The following NME7 variants were observed in gnomAD, a reference collection of about 807,000 sequenced individuals.
The protein encoded by NME7 is NME/NM23 family member 7.
Under a neutral mutation model 49.1 loss-of-function variants are expected in NME7, and 41 were observed. That is an observed-to-expected ratio of 0.83 (90% CI 0.65 to 1.08). The LOEUF is 1.08. Among genes scored for constraint, NME7 ranks in the 50% least tolerant of loss-of-function variants. The pLI is 0.00. For synonymous variants in NME7, 139 were observed against 150.6 expected, an observed-to-expected ratio of 0.92 and a Z score of 0.56; for missense variants, 423 against 463.4, an observed-to-expected ratio of 0.91 and a Z score of 0.80.
chr1:169,282,135 T>G (rs1167286518), intron 7 of NME7, among the ~76,000 whole-genome samples: 1 of 152,222 alleles, frequency 6.6e-6, no homozygotes, highest in African/African-American at 2.4e-5. Flanking sequence ...AACCTGTTAT[T>G]GGTCTGTTCA....
At chr1:169,331,418 G>A (rs547261690) in intron 1 of NME7, among the ~76,000 whole-genome samples, 2 of 152,010 alleles carry the variant, frequency 1.3e-5, no homozygotes, top group Admixed American at 1.3e-4. Context: ...GAAACATGAC[G>A]AGGGTGCCCA....
chr1:169,216,430 A>C (rs1222850042), intron 10 of NME7, among the ~76,000 whole-genome samples: 1 of 152,250 alleles, frequency 6.6e-6, no homozygotes, highest in Non-Finnish European at 1.5e-5. Flanking sequence ...AGCTGAGCAA[A>C]TGAAAGTCCC....
At chr1:169,249,096 T>G in intron 7 of NME7, among the ~76,000 whole-genome samples, 1 of 152,024 alleles carries the variant, frequency 6.6e-6, no homozygotes, top group South Asian at 2.1e-4. Context: ...TTTCATGATA[T>G]TGATTATTCC....
chr1:169,222,995 T>C (rs1008976471), intron 10 of NME7, among the ~76,000 whole-genome samples: 3 of 152,298 alleles, frequency 2.0e-5, no homozygotes, highest in Admixed American at 6.5e-5. Context: ...ATTATCTCAA[T>C]AATGTCATTT....
At chr1:169,223,022 G>C (rs1432648462) in intron 10 of NME7, among the ~76,000 whole-genome samples, 1 of 152,116 alleles carries the variant, frequency 6.6e-6, no homozygotes. Context: ...AAAGTATCCT[G>C]ACTTGGAATC....
intron 1 of NME7, among the ~76,000 whole-genome samples, chr1:169,340,266 T>C (rs1273256220): frequency 6.6e-6 from 1 of 152,144 alleles, no homozygotes; most frequent in Non-Finnish European, 1.5e-5. Flanking sequence ...CGAGATCTGA[T>C]GGTTTTAAAA....
intron 1 of NME7, among the ~76,000 whole-genome samples, chr1:169,361,197 A>G (rs1043102710): frequency 6.6e-6 from 1 of 152,226 alleles, no homozygotes; most frequent in South Asian, 2.1e-4. Flanking sequence ...CAGAAAAAGG[A>G]AAGCAAAAAT....
chr1:169,280,003 G>GT (rs952319127), intron 7 of NME7, among the ~76,000 whole-genome samples: 1 of 152,170 alleles, frequency 6.6e-6, no homozygotes, highest in Non-Finnish European at 1.5e-5. Flanking sequence ...GGGCCAAATG[G>GT]TATTTCCAAT....
At chr1:169,344,248 C>T (rs1652879127) in intron 1 of NME7, among the ~76,000 whole-genome samples, 1 of 152,140 alleles carries the variant, frequency 6.6e-6, no homozygotes, top group Non-Finnish European at 1.5e-5. Flanking sequence ...GTCTTGTATT[C>T]TGCAACTTTG....
At chr1:169,236,739 T>G (rs1309605933) in intron 8 of NME7, among the ~76,000 whole-genome samples, 1 of 151,940 alleles carries the variant, frequency 6.6e-6, no homozygotes, top group Non-Finnish European at 1.5e-5. Context: ...TTTTTCTTTT[T>G]TGGCTTATTG....
intron 1 of NME7, among the ~76,000 whole-genome samples, chr1:169,337,204 G>C (rs1459382748): frequency 6.6e-6 from 1 of 152,242 alleles, no homozygotes; most frequent in Non-Finnish European, 1.5e-5. Context: ...CGGGCTGCAG[G>C]TCCCGAGCCG....
chr1:169,226,562 A>G (rs796288837), intron 10 of NME7, among the ~76,000 whole-genome samples: 3 of 152,280 alleles, frequency 2.0e-5, no homozygotes, highest in South Asian at 2.1e-4. Flanking sequence ...TCAAAGGCAT[A>G]CAGTCCTGCC....
At chr1:169,151,855 C>T (rs570707170) in intron 11 of NME7, among the ~76,000 whole-genome samples, 1 of 152,288 alleles carries the variant, frequency 6.6e-6, no homozygotes, top group African/African-American at 2.4e-5. Flanking sequence ...TTCATTGCCC[C>T]TACATGACCT....
intron 4 of NME7, among the ~76,000 whole-genome samples, chr1:169,304,227 C>CT (rs918043086): frequency 6.6e-6 from 1 of 152,104 alleles, no homozygotes; most frequent in African/African-American, 2.4e-5. Context: ...GTCTAAAAAA[C>CT]TTTTTTTAAA....
At chr1:169,271,012 C>T (rs1558015689) in intron 7 of NME7, among the ~76,000 whole-genome samples, 1 of 133,576 alleles carries the variant, frequency 7.5e-6, no homozygotes, top group East Asian at 2.0e-4. Flanking sequence ...GAACATTCAC[C>T]TTGTTTTTCT....
In NME7 at chr1:169,212,322, T is replaced by C. The variant is rs1410077310; in HGVS notation, c.990+18396A>G. On this transcript the variant is annotated intron_variant, in intron 10 of 11. Coordinates refer to ENST00000367811, the MANE Select transcript of NME7 (RefSeq NM_013330.5). ...TTGCTATTAAATACTTTTAAAAAAG[T>C]CATTTAAATTCATTGTTAAAAAACA... 2.0e-5 allele frequency among the ~76,000 whole-genome samples: 3 copies of C among 152,276 alleles called. No individual in the cohort carries two copies. The East Asian group carries it at 5.8e-4, about 29-fold the overall frequency.
chr1:169,358,508 T>C (rs890091594), intron 1 of NME7, among the ~76,000 whole-genome samples: 1 of 152,028 alleles, frequency 6.6e-6, no homozygotes, highest in African/African-American at 2.4e-5. Flanking sequence ...GACTGGAAAA[T>C]CTGTCTACAA....
At chr1:169,303,450 T>G (rs1651040648) in intron 4 of NME7, 1 of 181,922 alleles carries the variant, frequency 5.5e-6, no homozygotes. Context: ...ATTGTCTATC[T>G]TCTTCTTTTT....
chr1:169,298,095 G>T (rs1277588838), intron 6 of NME7, among the ~76,000 whole-genome samples: 1 of 152,040 alleles, frequency 6.6e-6, no homozygotes, highest in Admixed American at 6.6e-5. Flanking sequence ...TATTTATATG[G>T]ATTTAAAAAT....
Sources: gnomAD v4.1 joint callset for allele counts (sites outside exome capture counted in the v4.1 genomes callset) on GRCh38, gnomAD v4.1.1 for gene constraint, MANE v1.5 for transcripts, NCBI Gene and HGNC (gene_info 2026-07-23, HGNC 2026-07-21) for gene names.